Variants in MITF observed in about 807,000 individuals in gnomAD.
The protein encoded by MITF is melanocyte inducing transcription factor, also known as microphthalmia-associated transcription factor.
A neutral mutation model predicts 60.5 loss-of-function variants in MITF; 17 were observed. That is an observed-to-expected ratio of 0.28 (90% CI 0.19 to 0.42). The LOEUF is 0.42. Among genes scored for constraint, MITF ranks in the 10% least tolerant of loss-of-function variants. The pLI is 1.00. For missense variants in MITF, 622 were observed against 683.5 expected (o/e 0.91, Z 1.00); for synonymous variants, 260 against 248.5 (o/e 1.05, Z -0.43).
intron 1 of MITF, among the ~76,000 whole-genome samples, chr3:69,848,553 C>T (rs1490691664): frequency 6.6e-6 from 1 of 152,182 alleles, no homozygotes; most frequent in African/African-American, 2.4e-5. Context: ...TTACTGAAAA[C>T]ACAATGAAGA....
At chr3:69,928,598 TA>T (rs2107453254) in intron 2 of MITF, among the ~76,000 whole-genome samples, 1 of 152,334 alleles carries the variant, frequency 6.6e-6, no homozygotes, top group Non-Finnish European at 1.5e-5. Context: ...TCAACTCTGA[TA>T]AGTTGCTGGC....
intron 1 of MITF, among the ~76,000 whole-genome samples, chr3:69,815,601 T>G (rs2063169169): frequency 6.6e-6 from 1 of 152,210 alleles, no homozygotes; most frequent in Non-Finnish European, 1.5e-5. Context: ...ATGTGTTAAT[T>G]GACTATTTAT....
In MITF at chr3:69,918,157, C is replaced by T. The variant is rs141751130; in HGVS notation, c.355-19665C>T. The stretch of plus-strand genomic sequence containing the variant: ...TCTGCTCACTACAACCTCCACCTCC[C>T]GGGTTCAAGTGATTCCTGTGCCTCA... On this transcript the variant is annotated intron_variant, in intron 2 of 9. Transcript: ENST00000352241. Among the ~76,000 whole-genome samples the T allele has an allele frequency of 9.1e-3, 1,387 of 152,186 alleles. 22 individuals are homozygous for T. Among genetic ancestry groups the T allele is most frequent in the African/African-American group, 0.028 (1,156 of 41,512 alleles).
intron 2 of MITF, among the ~76,000 whole-genome samples, chr3:69,917,546 C>T (rs1331645812): frequency 6.6e-6 from 1 of 152,022 alleles, no homozygotes; most frequent in African/African-American, 2.4e-5. Flanking sequence ...TTAAATCTCT[C>T]CTTATATAAC....
intron 1 of MITF, chr3:69,751,980 G>A (rs6761994): frequency 0.31 from 46,961 of 151,926 alleles, 8,632 homozygotes; most frequent in Non-Finnish European, 0.41. Flanking sequence ...TCATTCTCTC[G>A]CTGCTGCTCC....
intron 2 of MITF, among the ~76,000 whole-genome samples, chr3:69,908,849 A>G (rs567525224): frequency 6.6e-6 from 1 of 152,202 alleles, no homozygotes; most frequent in African/African-American, 2.4e-5. Context: ...TAAGATTTGT[A>G]TTAAGGTTAG....
intron 2 of MITF, among the ~76,000 whole-genome samples, chr3:69,915,178 G>A (rs1226423360): frequency 3.3e-5 from 5 of 152,126 alleles, no homozygotes; most frequent in Non-Finnish European, 4.4e-5. Flanking sequence ...TTTCTCTAAA[G>A]CTCAGTAGAG....
intron 2 of MITF, among the ~76,000 whole-genome samples, chr3:69,929,932 A>G (rs921906890): frequency 1.3e-5 from 2 of 152,202 alleles, no homozygotes; most frequent in Admixed American, 6.5e-5. Context: ...GGAGTCAAAG[A>G]TAACCATGAT....
chr3:69,794,223 C>CTA (rs1188467436), intron 1 of MITF, among the ~76,000 whole-genome samples: 6 of 152,082 alleles, frequency 3.9e-5, no homozygotes, highest in African/African-American at 1.2e-4. Context: ...AAAAGGTGAG[C>CTA]TATATATATA....
intron 9 of MITF, among the ~76,000 whole-genome samples, chr3:69,961,724 C>A (rs1271977861): frequency 3.9e-5 from 6 of 152,044 alleles, no homozygotes; most frequent in African/African-American, 1.2e-4. Flanking sequence ...GACTCCGTCT[C>A]AAAAAACAAA....
chr3:69,785,499 G>T (rs2106892625), intron 1 of MITF, among the ~76,000 whole-genome samples: 1 of 152,312 alleles, frequency 6.6e-6, no homozygotes, highest in African/African-American at 2.4e-5. Flanking sequence ...TTGCTTGGGT[G>T]CCCAAATTCA....
intron 5 of MITF, among the ~76,000 whole-genome samples, chr3:69,946,902 C>T (rs1272192736): frequency 1.3e-5 from 2 of 152,116 alleles, no homozygotes; most frequent in Non-Finnish European, 2.9e-5. Context: ...AGGTATCCCC[C>T]ACGTTGCTCT....
chr3:69,883,594 A>T lies in MITF; in HGVS notation c.354+4211A>T, dbSNP rs186828003. Among the ~76,000 whole-genome samples the T allele has an allele frequency of 1.6e-3, 247 of 152,302 alleles. 2 individuals carry two copies. The highest frequency in any genetic ancestry group is 2.5e-3 in the Non-Finnish European group (171 of 68,026). ...TTACAGGTGGATTGGTGGGCTACAG[A>T]TTGGCAAAAGGGACTTCTCCCACAA... On this transcript the variant is annotated intron_variant, in intron 2 of 9. Transcript: ENST00000352241.
chr3:69,739,971 A>G (rs777050924), intron 1 of MITF, among the ~76,000 whole-genome samples: 1 of 151,988 alleles, frequency 6.6e-6, no homozygotes, highest in African/African-American at 2.4e-5. Flanking sequence ...TCGGCCGAGG[A>G]TGCCAGCTGC....
At position 69,782,907 on chromosome 3, in the gene MITF, A is replaced by G. The variant is rs565376670; in HGVS notation, c.104+43206A>G. On this transcript the variant is annotated intron_variant, in intron 1 of 9. Coordinates refer to ENST00000352241, the MANE Select transcript of MITF (RefSeq NM_001354604.2). The stretch of plus-strand genomic sequence containing the variant: ...TTTTTGTTTTGCACATGCCTCAGAG[A>G]ACATAAAAATTAACACATTTCCTTA... 5.9e-5 allele frequency among the ~76,000 whole-genome samples: 9 copies of G among 152,338 alleles called. No individual in the cohort carries two copies. In the South Asian group the frequency reaches 1.9e-3, roughly 32 times the overall value.
chr3:69,945,915 T>C (rs1324497868), intron 5 of MITF, among the ~76,000 whole-genome samples: 1 of 152,236 alleles, frequency 6.6e-6, no homozygotes, highest in Non-Finnish European at 1.5e-5. Flanking sequence ...CCCTGATTTC[T>C]GTTCCTAGAT....
intron 2 of MITF, among the ~76,000 whole-genome samples, chr3:69,915,759 A>G (rs963447622): frequency 6.6e-6 from 1 of 152,220 alleles, no homozygotes; most frequent in Non-Finnish European, 1.5e-5. Flanking sequence ...CTGGAGAGCA[A>G]TGGAAGCCTG....
At chr3:69,753,741 TG>T (rs1428618365) in intron 1 of MITF, among the ~76,000 whole-genome samples, 1 of 152,246 alleles carries the variant, frequency 6.6e-6, no homozygotes, top group Non-Finnish European at 1.5e-5. Context: ...TGGACTTGCA[TG>T]GAGCCTATGG....
At chr3:69,942,217 G>T (rs961159201) in intron 5 of MITF, among the ~76,000 whole-genome samples, 5 of 152,248 alleles carry the variant, frequency 3.3e-5, no homozygotes, top group South Asian at 4.1e-4. Context: ...TGGAGCTTCG[G>T]ATTTGCAAGA....
Sources: allele counts gnomAD v4.1 joint callset (sites outside exome capture counted in the v4.1 genomes callset), GRCh38; gene constraint gnomAD v4.1.1; transcripts MANE v1.5; gene names NCBI Gene and HGNC (gene_info 2026-07-23, HGNC 2026-07-21).